CEP95: variants seen among roughly 807,000 people sequenced by gnomAD.
CEP95 encodes centrosomal protein of 95 kDa.
CEP95 carries 98 observed loss-of-function variants against 111.2 expected under a neutral mutation model. The observed-to-expected ratio is 0.88, with a 90% CI of 0.75 to 1.04. The LOEUF (loss-of-function observed/expected upper bound fraction) is 1.04. CEP95 is among the 50% of genes least tolerant of loss of function. The pLI is 0.00. For missense variants in CEP95, 1,027 were observed against 977.2 expected, an observed-to-expected ratio of 1.05 and a Z score of -0.68; for synonymous variants, 323 against 327.1, an observed-to-expected ratio of 0.99 and a Z score of 0.14.
In CEP95 at chr17:64,525,847, A is replaced by G. The variant is rs781918300; in HGVS notation, c.987A>G (p.Gln329=). ...SKWEVYPAQV[Q]GPRTRKPPKG... The stretch of plus-strand genomic sequence containing the variant: ...GGGAAGTATATCCAGCTCAGGTCCA[A>G]GGGCCTAGGACAAGGAAGCCTCCCA... Residue 329 remains glutamine (Q), a synonymous_variant, in exon 9 of 20, where the codon CAA becomes CAG. Transcript: ENST00000556440. 4.4e-6 allele frequency: 7 copies of G among 1,592,850 alleles called. No individual in the cohort carries two copies. The highest frequency in any genetic ancestry group is 1.9e-5 in the Admixed American group (1 of 53,634).
Position 64,536,663 on chromosome 17 carries a change from G to GA in CEP95, c.2135dup (p.Asn712LysfsTer9). 6.2e-7 allele frequency: 1 copy of GA among 1,612,870 alleles called. No individual in the cohort carries two copies. Among genetic ancestry groups the GA allele is most frequent in the Non-Finnish European group, 8.5e-7 (1 of 1,179,402 alleles). On this transcript the variant is annotated frameshift_variant, in exon 18 of 20. Coordinates refer to ENST00000556440, the MANE Select transcript of CEP95 (RefSeq NM_138363.3). LOFTEE classifies it high-confidence loss of function. ...CAAAAGCAAAGATTACGAGACCTAA[G>GA]AAACTATGCCAAAGAAAAGCGAGAT...
chr17:64,527,864 GTGTGTGTATA>G (rs1568147258), intron 11 of CEP95, among the ~76,000 whole-genome samples: 1 of 131,734 alleles, frequency 7.6e-6, no homozygotes, highest in African/African-American at 3.0e-5. Flanking sequence ...GTGTGTGTGT[GTGTGTGTATA>G]TATATATATA....
At chr17:64,515,676 C>A (rs1555676164) in intron 4 of CEP95, 1 of 152,070 alleles carries the variant, frequency 6.6e-6, no homozygotes, top group East Asian at 1.9e-4. Context: ...TATGACAGTA[C>A]CTTAGCTGGA....
intron 2 of CEP95, 69 bp downstream of exon 2, chr17:64,508,789 G>A: frequency 1.5e-6 from 1 of 657,890 alleles, no homozygotes; most frequent in Non-Finnish European, 2.2e-6. Context: ...CCTTTAGTTA[G>A]ATTCTTTGAT....
chr17:64,522,268 A>T (rs1199290216), intron 7 of CEP95, among the ~76,000 whole-genome samples: 1 of 152,222 alleles, frequency 6.6e-6, no homozygotes, highest in Non-Finnish European at 1.5e-5. Flanking sequence ...TTCACATAAC[A>T]TAACATTCTT....
chr17:64,531,054 G>T, intron 13 of CEP95, 36 bp downstream of exon 13: 1 of 1,210,724 alleles, frequency 8.3e-7, no homozygotes, highest in South Asian at 1.4e-5. Context: ...AATGCCATTT[G>T]ATCAGATGAG....
chr17:64,510,204 T>A lies in CEP95; in HGVS notation c.180T>A (p.Asp60Glu), dbSNP rs782303462. ...DLIVIPRSQE[D>E]DAHNVQAVID... The stretch of plus-strand genomic sequence containing the variant: ...TAGTTATTCCTAGGAGTCAAGAAGA[T>A]GATGCACACAATGTACAAGCAGTAA... Residue 60 changes from aspartate to glutamate, a missense_variant, in exon 3 of 20, where the codon GAT becomes GAA. Coordinates refer to ENST00000556440, the MANE Select transcript of CEP95 (RefSeq NM_138363.3). 1.1e-5 allele frequency: 17 copies of A among 1,611,052 alleles called. No individual in the cohort carries two copies. In the Admixed American group the frequency reaches 2.7e-4, roughly 25 times the overall value.
chr17:64,529,674 G>A (rs1555679901), intron 12 of CEP95, among the ~76,000 whole-genome samples: 2 of 152,202 alleles, frequency 1.3e-5, no homozygotes, highest in African/African-American at 4.8e-5. Context: ...AGAAAGAGGA[G>A]ATCAGTGTGA....
chr17:64,509,536 T>C (rs1382631886), intron 2 of CEP95, among the ~76,000 whole-genome samples: 1 of 152,070 alleles, frequency 6.6e-6, no homozygotes, highest in Non-Finnish European at 1.5e-5. Flanking sequence ...AATACAAAAA[T>C]TAGCCAGGCA....
chr17:64,536,542 C>T (rs1424083835), intron 17 of CEP95, 60 bp from the exon 18 acceptor site: 9 of 1,306,282 alleles, frequency 6.9e-6, no homozygotes, highest in Middle Eastern at 2.2e-4. Flanking sequence ...TCAGTATATA[C>T]CTCTAGTTGG....
At chr17:64,507,767 T>C in intron 1 of CEP95, 1 of 985,584 alleles carries the variant, frequency 1.0e-6, no homozygotes, top group Non-Finnish European at 1.2e-6. Context: ...CTCTCATTCG[T>C]TTCCAGAACG....
chr17:64,509,895 A>T (rs552122131), intron 2 of CEP95, among the ~76,000 whole-genome samples: 117 of 151,554 alleles, frequency 7.7e-4, no homozygotes, highest in African/African-American at 2.6e-3. Context: ...ATTCATGTAT[A>T]TCTATATATC....
At position 64,533,161 on chromosome 17, in the gene CEP95, C is replaced by A; in HGVS notation, c.1887C>A (p.Val629=). The A allele has an allele frequency of 3.1e-6, 5 of 1,590,682 alleles. No homozygotes were observed. Among genetic ancestry groups the A allele is most frequent in the Non-Finnish European group, 4.3e-6 (5 of 1,174,342 alleles). The change falls in exon 16 of 20, where the codon GTC becomes GTA. Residue 629 remains valine, a synonymous_variant. Transcript: ENST00000556440. The part of the protein sequence containing the change: ...LRRHDLLTTL[V]KKEYEHNKRL... ...GGCATGACCTCCTTACTACCCTTGT[C>A]AAGAAAGAATATGAACATAACAAGA...
intron 3 of CEP95, among the ~76,000 whole-genome samples, chr17:64,513,434 G>A (rs2038989518): frequency 6.6e-6 from 1 of 152,078 alleles, no homozygotes; most frequent in Admixed American, 6.5e-5. Context: ...CATGCTTTTT[G>A]CCAACCCATT....
chr17:64,510,004 C>G (rs1555674380), intron 2 of CEP95, among the ~76,000 whole-genome samples, 169 bp from the exon 3 acceptor site: 1 of 152,038 alleles, frequency 6.6e-6, no homozygotes, highest in Non-Finnish European at 1.5e-5. Flanking sequence ...AGTAAAGATT[C>G]TGCTGTGTAG....
chr17:64,536,783 T>C, intron 18 of CEP95, 35 bp downstream of exon 18: 1 of 1,579,122 alleles, frequency 6.3e-7, no homozygotes. Flanking sequence ...CTGTTGTGCT[T>C]AGTCCTGACC....
intron 5 of CEP95, among the ~76,000 whole-genome samples, chr17:64,519,065 G>A (rs1555677040): frequency 1.3e-5 from 2 of 152,108 alleles, no homozygotes. Flanking sequence ...TGCAAAGTTA[G>A]CATCCCACCC....
intron 8 of CEP95, among the ~76,000 whole-genome samples, chr17:64,523,111 A>G (rs555201267): frequency 1.3e-5 from 2 of 152,338 alleles, no homozygotes; most frequent in African/African-American, 2.4e-5. Context: ...TTGCCTCTGT[A>G]TACACCTGCA....
At chr17:64,526,568 T>G (rs1344983953) in intron 10 of CEP95, among the ~76,000 whole-genome samples, 1 of 152,208 alleles carries the variant, frequency 6.6e-6, no homozygotes, top group Non-Finnish European at 1.5e-5. Context: ...TATTACAGTT[T>G]TAAGGTATCA....
Sources: allele counts gnomAD v4.1 joint callset (sites outside exome capture counted in the v4.1 genomes callset), GRCh38; gene constraint gnomAD v4.1.1; transcripts MANE v1.5; gene names NCBI Gene and HGNC (gene_info 2026-07-23, HGNC 2026-07-21).